The following UBE2L3 variants were observed in gnomAD, a reference collection of about 807,000 sequenced individuals.
The protein encoded by UBE2L3 is ubiquitin-conjugating enzyme E2 L3.
Under a neutral mutation model 17.8 loss-of-function variants are expected in UBE2L3, and 1 was observed. The ratio of observed to expected loss-of-function variants is 0.06; its 90% CI spans 0.02 to 0.27. The LOEUF is 0.27. Ranked by LOEUF, UBE2L3 falls within the 10% of genes least tolerant of loss-of-function variation. UBE2L3 has a pLI of 1.00. For synonymous variants in UBE2L3, 44 were observed against 68.5 expected (o/e 0.64, Z 1.76); for missense variants, 40 against 192.6 (o/e 0.21, Z 4.69).
chr22:21,601,274 C>T (rs1034730217), intron 2 of UBE2L3, among the ~76,000 whole-genome samples: 1 of 151,956 alleles, frequency 6.6e-6, no homozygotes, highest in Non-Finnish European at 1.5e-5. Flanking sequence ...GTTCAGAAGT[C>T]ACAAGAACTT....
intron 1 of UBE2L3, among the ~76,000 whole-genome samples, chr22:21,577,917 T>C (rs1927403488): frequency 6.6e-6 from 1 of 152,170 alleles, no homozygotes; most frequent in Admixed American, 6.5e-5. Context: ...TGGGCTAATG[T>C]CAGGGCTCAT....
chr22:21,562,152 T>G (rs1414444886), intron 1 of UBE2L3, among the ~76,000 whole-genome samples: 1 of 150,690 alleles, frequency 6.6e-6, no homozygotes, highest in Non-Finnish European at 1.5e-5. Context: ...CAAGATGCTG[T>G]GAGCTCCTTG....
chr22:21,620,621 C>T (rs1040247880), intron 3 of UBE2L3, among the ~76,000 whole-genome samples: 1 of 152,056 alleles, frequency 6.6e-6, no homozygotes, highest in Non-Finnish European at 1.5e-5. Context: ...GTCTGGGCTA[C>T]GGCACCTAGG....
intron 2 of UBE2L3, among the ~76,000 whole-genome samples, chr22:21,593,237 C>T (rs1305321978): frequency 6.6e-6 from 1 of 152,178 alleles, no homozygotes; most frequent in Non-Finnish European, 1.5e-5. Flanking sequence ...TCTTTCCTGA[C>T]TTCCCTGCGC....
chr22:21,556,227 T>C (rs1406765504), intron 1 of UBE2L3, among the ~76,000 whole-genome samples: 1 of 152,196 alleles, frequency 6.6e-6, no homozygotes, highest in Non-Finnish European at 1.5e-5. Flanking sequence ...TGACACCCTG[T>C]TTCTAAAACA....
At position 21,607,273 on chromosome 22, in the gene UBE2L3, G is replaced by A. The variant is rs1290750050; in HGVS notation, c.124-3584G>A. ...TGTAATCCCAACACTTTGGGAGGCCGAGGCCGGCAGTTCACCTGAGGTCAG... is the reference window on the plus strand; with the variant it reads ...TGTAATCCCAACACTTTGGGAGGCCAAGGCCGGCAGTTCACCTGAGGTCAG... On this transcript the variant is annotated intron_variant, in intron 2 of 3. Coordinates refer to ENST00000342192, the MANE Select transcript of UBE2L3 (RefSeq NM_003347.4). Among the ~76,000 whole-genome samples the A allele has an allele frequency of 2.0e-5, 3 of 151,992 alleles. No homozygotes were observed. The East Asian group carries it at 5.8e-4, about 29-fold the overall frequency.
chr22:21,601,944 C>T (rs1408477501), intron 2 of UBE2L3, among the ~76,000 whole-genome samples: 5 of 147,550 alleles, frequency 3.4e-5, no homozygotes, highest in African/African-American at 7.5e-5. Context: ...TGAACTCCAG[C>T]CTCAGCGACA....
intron 2 of UBE2L3, among the ~76,000 whole-genome samples, chr22:21,603,907 ATTTTTTTTTT>A (rs144747629): frequency 1.8e-5 from 2 of 111,328 alleles, no homozygotes; most frequent in Non-Finnish European, 3.6e-5. Flanking sequence ...GTGTTTTTTG[ATTTTTTTTTT>A]TTTTTTTTTT....
intron 1 of UBE2L3, chr22:21,567,999 C>G (rs1329515366): frequency 1.5e-6 from 2 of 1,354,712 alleles, no homozygotes; most frequent in South Asian, 1.8e-5. Flanking sequence ...GCCCCTCAGC[C>G]CGGCCCGGGG....
At chr22:21,580,743 C>T (rs182857281) in intron 1 of UBE2L3, among the ~76,000 whole-genome samples, 11 of 152,068 alleles carry the variant, frequency 7.2e-5, no homozygotes, top group South Asian at 6.2e-4. Context: ...GCCATTGTAC[C>T]GGACTTAATT....
In UBE2L3 at chr22:21,621,916, T is replaced by C; in HGVS notation, c.*247T>C. The stretch of plus-strand genomic sequence containing the variant: ...TTAAAAATCACTGCTTCAATCTACT[T>C]CAAAAGAATGGTGTTTCTTTTCTTG... On this transcript the variant is annotated 3_prime_UTR_variant, in exon 4 of 4. Transcript: ENST00000342192. 1 of 420,444 alleles carries C rather than the reference T, an allele frequency of 2.4e-6. No homozygotes were observed. The highest frequency in any genetic ancestry group is 4.2e-6 in the Non-Finnish European group (1 of 238,842). The allele number at this position is 420,444 out of a possible 1,614,324, so 26.0% of individuals were successfully genotyped here.
chr22:21,563,396 CAA>C (rs1402687151), upstream of UBE2L3, among the ~76,000 whole-genome samples: 9 of 124,508 alleles, frequency 7.2e-5, no homozygotes, highest in Admixed American at 1.7e-4. Context: ...CTGAAAATAC[CAA>C]AAAAAAAAAA....
At chr22:21,593,050 A>G in intron 2 of UBE2L3, 94 bp downstream of exon 2, 1 of 1,063,186 alleles carries the variant, frequency 9.4e-7, no homozygotes. Flanking sequence ...GTAGGCTCTT[A>G]GTCTAGGCAG....
intron 1 of UBE2L3, among the ~76,000 whole-genome samples, chr22:21,583,711 G>A (rs1045533337): frequency 9.9e-5 from 15 of 152,100 alleles, no homozygotes; most frequent in Non-Finnish European, 1.6e-4. Flanking sequence ...ATGACATGAC[G>A]ACTGCTGCCC....
intron 1 of UBE2L3, among the ~76,000 whole-genome samples, chr22:21,577,882 G>A (rs866990117): frequency 6.6e-6 from 1 of 152,178 alleles, no homozygotes; most frequent in Non-Finnish European, 1.5e-5. Flanking sequence ...TGCAACCAAA[G>A]CAGGTGCTAA....
chr22:21,556,813 A>G (rs1297318526), intron 1 of UBE2L3, among the ~76,000 whole-genome samples: 1 of 152,264 alleles, frequency 6.6e-6, no homozygotes, highest in East Asian at 1.9e-4. Context: ...TAATCCCAGT[A>G]AGGAGGCCGA....
At chr22:21,619,722 C>G (rs190735054) in intron 3 of UBE2L3, among the ~76,000 whole-genome samples, 1 of 152,206 alleles carries the variant, frequency 6.6e-6, no homozygotes, top group Admixed American at 6.5e-5. Context: ...GACAGAGTCT[C>G]GCTCTGTTGC....
chr22:21,618,551 G>A (rs1929899070), intron 3 of UBE2L3, among the ~76,000 whole-genome samples: 1 of 151,848 alleles, frequency 6.6e-6, no homozygotes, highest in African/African-American at 2.4e-5. Flanking sequence ...AACTCAGCCT[G>A]GGCGACAGAG....
At chr22:21,574,570 A>T (rs1448929460) in intron 1 of UBE2L3, among the ~76,000 whole-genome samples, 27 of 152,192 alleles carry the variant, frequency 1.8e-4, no homozygotes, top group Admixed American at 1.8e-3. Context: ...CTGCCTGGAC[A>T]TACCCTCATC....
Sources: allele counts gnomAD v4.1 joint callset (sites outside exome capture counted in the v4.1 genomes callset), GRCh38; gene constraint gnomAD v4.1.1; transcripts MANE v1.5; gene names NCBI Gene and HGNC (gene_info 2026-07-23, HGNC 2026-07-21).